The following ANO1 variants were observed in gnomAD, a reference collection of about 807,000 sequenced individuals.
ANO1 encodes anoctamin-1.
A neutral mutation model predicts 124.0 loss-of-function variants in ANO1; 59 were observed. The observed-to-expected ratio is 0.48, with a 90% CI of 0.39 to 0.59. The LOEUF (loss-of-function observed/expected upper bound fraction) is 0.59, where lower values mean the gene tolerates loss of function less well. ANO1 is among the 20% of genes least tolerant of loss of function. ANO1 has a pLI of 0.00. For missense variants in ANO1, 1,059 were observed against 1,328.0 expected (o/e 0.80, Z 3.15); for synonymous variants, 529 against 532.0 (o/e 0.99, Z 0.08).
chr11:70,031,392 A>G (rs1856998814), intron 1 of ANO1, among the ~76,000 whole-genome samples: 1 of 152,236 alleles, frequency 6.6e-6, no homozygotes, highest in South Asian at 2.1e-4. Flanking sequence ...GGGTAATAGC[A>G]TACTATTGAC....
intron 5 of ANO1, among the ~76,000 whole-genome samples, chr11:70,106,119 G>A (rs543486509): frequency 1.2e-4 from 18 of 152,274 alleles, no homozygotes; most frequent in Admixed American, 4.6e-4. Flanking sequence ...GGGATTGTGC[G>A]TGCCTGACCA....
chr11:70,133,827 G>A (rs192883497), intron 11 of ANO1, among the ~76,000 whole-genome samples: 195 of 152,328 alleles, frequency 1.3e-3, no homozygotes, highest in African/African-American at 4.4e-3. Context: ...GCCGAGGTAT[G>A]TATCAGGTGA....
chr11:70,167,937 C>T (rs986690725), intron 21 of ANO1, among the ~76,000 whole-genome samples: 3 of 152,220 alleles, frequency 2.0e-5, no homozygotes, highest in Admixed American at 6.5e-5. Context: ...TGGTGGTGAG[C>T]TCCTGAGTTG....
chr11:70,043,909 A>G (rs1390737098), intron 1 of ANO1, among the ~76,000 whole-genome samples: 1 of 152,186 alleles, frequency 6.6e-6, no homozygotes, highest in East Asian at 1.9e-4. Context: ...GTATATAATA[A>G]TAAATGTGCA....
intron 8 of ANO1, among the ~76,000 whole-genome samples, chr11:70,120,659 G>A (rs2046223668): frequency 6.6e-6 from 1 of 152,176 alleles, no homozygotes; most frequent in Non-Finnish European, 1.5e-5. Flanking sequence ...AGACAAACCT[G>A]GTCCCTCTGG....
intron 1 of ANO1, among the ~76,000 whole-genome samples, chr11:70,001,590 T>A (rs1015983746): frequency 6.6e-6 from 1 of 152,106 alleles, no homozygotes; most frequent in African/African-American, 2.4e-5. Flanking sequence ...GGGTACATGA[T>A]CCCGTTTCTA....
chr11:70,095,169 A>G (rs1254079468), intron 2 of ANO1, among the ~76,000 whole-genome samples: 2 of 150,600 alleles, frequency 1.3e-5, no homozygotes, highest in East Asian at 3.9e-4. Context: ...TCGCGCCACC[A>G]CACTTCAGCC....
the ANO1 span, among the ~76,000 whole-genome samples, chr11:69,975,519 C>A: frequency 6.6e-6 from 1 of 152,250 alleles, no homozygotes; most frequent in Non-Finnish European, 1.5e-5. Flanking sequence ...CCCCTGAGGA[C>A]CACCCCTGGA....
In ANO1 at chr11:70,188,016, G is replaced by A. The variant is rs1350340905; in HGVS notation, c.*12G>A. The stretch of plus-strand genomic sequence containing the variant: ...GGGGCGTCCTGTAGCTATGCCAGCG[G>A]GGCTGGGCAGGCCAGCCGGGCATCC... On this transcript the variant is annotated 3_prime_UTR_variant, in exon 26 of 26. Transcript: ENST00000355303. 5 of 1,550,858 alleles carry A rather than the reference G, an allele frequency of 3.2e-6. No homozygotes were observed. The East Asian group carries it at 1.2e-4, about 37-fold the overall frequency.
intron 17 of ANO1, 106 bp downstream of exon 17, chr11:70,161,468 G>A (rs1227972953): frequency 3.5e-6 from 5 of 1,433,866 alleles, no homozygotes; most frequent in Non-Finnish European, 4.8e-6. Flanking sequence ...CTGGGCCCCA[G>A]CTCCCTGGTT....
At chr11:70,010,304 G>A (rs1186930360) in intron 1 of ANO1, among the ~76,000 whole-genome samples, 3 of 151,012 alleles carry the variant, frequency 2.0e-5, no homozygotes, top group Non-Finnish European at 2.9e-5. Flanking sequence ...TATAAACACA[G>A]GTGTGCAAGT....
chr11:69,995,019 A>C (rs977521858), intron 1 of ANO1, among the ~76,000 whole-genome samples: 53 of 151,994 alleles, frequency 3.5e-4, no homozygotes, highest in African/African-American at 1.3e-3. Flanking sequence ...CATACTGCAC[A>C]CCGTTTCCCC....
upstream of ANO1, among the ~76,000 whole-genome samples, chr11:70,076,795 C>G (rs1313281158): frequency 1.3e-5 from 2 of 152,210 alleles, no homozygotes; most frequent in Admixed American, 6.5e-5. Flanking sequence ...TGCACCGCCC[C>G]AAGTTCAAGG....
rs528120807 is a variant in ANO1 at position 70,146,497 on chromosome 11, A to G, written c.1259-3213A>G. Among the ~76,000 whole-genome samples the G allele has an allele frequency of 3.4e-4, 52 of 152,176 alleles. No individual in the cohort carries two copies. The South Asian group carries it at 6.2e-3, about 18-fold the overall frequency. On this transcript the variant is annotated intron_variant, in intron 11 of 25. Transcript: ENST00000355303. ...GTCTGGGAAAGAGGAGGAGCTGGGG[A>G]GGCCGGGACAGGGAAGGTGCGTGAG...
At chr11:70,001,595 T>C (rs1217482239) in intron 1 of ANO1, among the ~76,000 whole-genome samples, 2 of 152,198 alleles carry the variant, frequency 1.3e-5, no homozygotes, top group Non-Finnish European at 2.9e-5. Context: ...CATGATCCCG[T>C]TTCTATCGCA....
chr11:70,038,648 C>G (rs564239938), intron 1 of ANO1, among the ~76,000 whole-genome samples: 1 of 152,246 alleles, frequency 6.6e-6, no homozygotes, highest in East Asian at 1.9e-4. Context: ...CCCTGCCACC[C>G]TATTGCAGTG....
chr11:70,073,884 C>T (rs545896850), upstream of ANO1, among the ~76,000 whole-genome samples: 3 of 126,682 alleles, frequency 2.4e-5, no homozygotes, highest in South Asian at 2.9e-4. Flanking sequence ...GCTTTGGCTG[C>T]GTTTCTGAGC....
the ANO1 span, among the ~76,000 whole-genome samples, chr11:69,979,620 T>C: frequency 6.6e-6 from 1 of 152,194 alleles, no homozygotes; most frequent in Non-Finnish European, 1.5e-5. Context: ...AAGGAAGATA[T>C]CAAGTATGCG....
intron 11 of ANO1, among the ~76,000 whole-genome samples, chr11:70,140,773 C>A (rs1027944642): frequency 6.6e-6 from 1 of 152,078 alleles, no homozygotes; most frequent in Non-Finnish European, 1.5e-5. Flanking sequence ...ATCTCTAAAG[C>A]GAAATTAGGA....
Sources: gnomAD v4.1 joint callset for allele counts (sites outside exome capture counted in the v4.1 genomes callset) on GRCh38, gnomAD v4.1.1 for gene constraint, MANE v1.5 for transcripts, NCBI Gene and HGNC (gene_info 2026-07-23, HGNC 2026-07-21) for gene names.